Variants in CCDC149 observed in about 807,000 individuals in gnomAD.
CCDC149 encodes coiled-coil domain-containing protein 149.
A neutral mutation model predicts 59.9 loss-of-function variants in CCDC149; 45 were observed. The observed-to-expected ratio is 0.75, with a 90% CI of 0.59 to 0.96. The LOEUF (loss-of-function observed/expected upper bound fraction) is 0.96, where lower values mean the gene tolerates loss of function less well. Among genes scored for constraint, CCDC149 ranks in the 40% least tolerant of loss-of-function variants. The pLI is 0.00. For missense variants in CCDC149, 584 were observed against 664.7 expected, an observed-to-expected ratio of 0.88 and a Z score of 1.33; for synonymous variants, 245 against 260.6, an observed-to-expected ratio of 0.94 and a Z score of 0.58.
intron 3 of CCDC149, among the ~76,000 whole-genome samples, chr4:24,867,424 C>G (rs1225640875): frequency 3.3e-5 from 5 of 152,198 alleles, no homozygotes; most frequent in African/African-American, 4.8e-5. Flanking sequence ...GACATACCTC[C>G]CAGTGTGACC....
chr4:24,958,287 T>C (rs1419131756), intron 1 of CCDC149, among the ~76,000 whole-genome samples: 1 of 152,202 alleles, frequency 6.6e-6, no homozygotes, highest in East Asian at 1.9e-4. Flanking sequence ...AGACTTTCCT[T>C]TGGAAACGGC....
In CCDC149 at chr4:24,837,617, G is replaced by C. The variant is rs1354304865; in HGVS notation, c.490-217C>G. 6.6e-6 allele frequency among the ~76,000 whole-genome samples: 1 copy of C among 152,214 alleles called. No individual in the cohort carries two copies. Among genetic ancestry groups the C allele is most frequent in the Non-Finnish European group, 1.5e-5 (1 of 68,038 alleles). ...ATTCATTATATTTAAGACAGGAGAG[G>C]TGCAGCAGCTTAGAAAACCAGAACT... is the stretch of plus-strand genomic sequence containing the variant. On this transcript the variant is annotated intron_variant, in intron 5 of 12. Transcript: ENST00000635206. This position sits in a 1 kb window ranked among gnomAD's most constrained non-coding sequence, Gnocchi z 4.3.
chr4:24,972,130 G>A (rs544380333), intron 1 of CCDC149, among the ~76,000 whole-genome samples: 1 of 152,208 alleles, frequency 6.6e-6, no homozygotes. Context: ...TGGAGGACTG[G>A]TCACTCATTT....
upstream of CCDC149, among the ~76,000 whole-genome samples, chr4:24,915,300 G>A (rs1239955547): frequency 6.6e-6 from 1 of 152,244 alleles, no homozygotes; most frequent in Non-Finnish European, 1.5e-5. Context: ...TAGACTGTAG[G>A]AAAAGTGGGC....
At chr4:24,866,983 G>A (rs952147106) in intron 3 of CCDC149, among the ~76,000 whole-genome samples, 4 of 151,996 alleles carry the variant, frequency 2.6e-5, no homozygotes, top group African/African-American at 4.8e-5. Flanking sequence ...AAAATGGGCT[G>A]GACTGAATGT....
chr4:24,929,748 C>G (rs908405741), intron 1 of CCDC149, among the ~76,000 whole-genome samples: 1 of 152,144 alleles, frequency 6.6e-6, no homozygotes, highest in Non-Finnish European at 1.5e-5. Context: ...TCCAGCTAGC[C>G]CTGCTTCTGA....
At chr4:24,812,151 A>G (rs1714653919) in intron 12 of CCDC149, among the ~76,000 whole-genome samples, 1 of 152,226 alleles carries the variant, frequency 6.6e-6, no homozygotes, top group Non-Finnish European at 1.5e-5. Flanking sequence ...CAAGATCCAT[A>G]AATCAATCAT....
intron 4 of CCDC149, among the ~76,000 whole-genome samples, chr4:24,850,009 C>A (rs990574675): frequency 1.3e-5 from 2 of 152,228 alleles, no homozygotes; most frequent in African/African-American, 4.8e-5. Flanking sequence ...TGGGGTTAGT[C>A]CCCCCTCTGT....
intron 1 of CCDC149, among the ~76,000 whole-genome samples, chr4:24,978,333 C>T (rs185148244): frequency 1.9e-4 from 29 of 152,076 alleles, no homozygotes; most frequent in African/African-American, 5.3e-4. Flanking sequence ...AATTTCATAT[C>T]GAAAGGATAT....
chr4:24,874,765 C>A (rs1286671480), intron 2 of CCDC149, among the ~76,000 whole-genome samples: 1 of 152,144 alleles, frequency 6.6e-6, no homozygotes, highest in African/African-American at 2.4e-5. Context: ...TACTCCAGGG[C>A]AGTTTAATAA....
At chr4:24,886,954 T>C (rs1746159183) in intron 1 of CCDC149, among the ~76,000 whole-genome samples, 1 of 152,108 alleles carries the variant, frequency 6.6e-6, no homozygotes, top group Non-Finnish European at 1.5e-5. Context: ...ATTTTTATTA[T>C]TCTCTCAAAA....
chr4:24,939,838 T>A (rs1722902545), intron 1 of CCDC149, among the ~76,000 whole-genome samples: 2 of 151,838 alleles, frequency 1.3e-5, no homozygotes, highest in Non-Finnish European at 2.9e-5. Flanking sequence ...GAAGAGAAGT[T>A]TAGAGAAAAA....
intron 3 of CCDC149, among the ~76,000 whole-genome samples, chr4:24,857,285 T>C (rs73804441): frequency 0.037 from 5,589 of 152,222 alleles, 338 homozygotes; most frequent in African/African-American, 0.13. Context: ...CAATCCATAC[T>C]AGATCAATAC....
chr4:24,970,308 A>G (rs1187104455), intron 1 of CCDC149, among the ~76,000 whole-genome samples: 1 of 152,226 alleles, frequency 6.6e-6, no homozygotes, highest in Admixed American at 6.5e-5. Context: ...GCCTCGGCAC[A>G]TACATTCAGC....
intron 1 of CCDC149, among the ~76,000 whole-genome samples, chr4:24,906,105 A>G (rs1721493254): frequency 6.6e-6 from 1 of 152,186 alleles, no homozygotes; most frequent in South Asian, 2.1e-4. Context: ...CACTCACAAG[A>G]AAGAGACACA....
intron 1 of CCDC149, among the ~76,000 whole-genome samples, chr4:24,979,882 G>C (rs1375901863): frequency 6.6e-6 from 1 of 152,118 alleles, no homozygotes; most frequent in Non-Finnish European, 1.5e-5. Flanking sequence ...CCGGTAAACT[G>C]AATCCACCCG....
Position 24,808,494 on chromosome 4 carries a change from G to T in CCDC149, c.1518C>A (p.His506Gln). The T allele has an allele frequency of 4.0e-6, 6 of 1,506,942 alleles. No homozygotes were observed. Among genetic ancestry groups the T allele is most frequent in the Non-Finnish European group, 5.3e-6 (6 of 1,128,052 alleles). The allele number at this position is 1,506,942 out of a possible 1,614,324, so 93.3% of individuals were successfully genotyped here. Reference sequence around the variant, plus strand: ...GCCGGCTGGCCTCGAAGGAGTCCAGGTGAGATTTAGGGAGCTCCCCCTGGA... The same window carrying T: ...GCCGGCTGGCCTCGAAGGAGTCCAGTTGAGATTTAGGGAGCTCCCCCTGGA... Residue 506 changes from histidine (H) to glutamine (Q), a missense_variant, in exon 13 of 13, where the codon CAC becomes CAA. Physicochemically the swap from His to Gln is conservative, Grantham distance 24. Coordinates refer to ENST00000635206, the MANE Select transcript of CCDC149 (RefSeq NM_001330643.2).
intron 1 of CCDC149, among the ~76,000 whole-genome samples, chr4:24,882,381 G>A (rs148118097): frequency 7.2e-5 from 11 of 152,290 alleles, no homozygotes; most frequent in African/African-American, 2.6e-4. Flanking sequence ...TTTTCTGTAA[G>A]CTATAGTTGG....
chr4:24,922,121 T>C (rs1722312790), intron 1 of CCDC149, among the ~76,000 whole-genome samples: 1 of 152,170 alleles, frequency 6.6e-6, no homozygotes, highest in Non-Finnish European at 1.5e-5. Context: ...AGGACACCTG[T>C]CATATTGCAT....
Sources: gnomAD v4.1 joint callset for allele counts (sites outside exome capture counted in the v4.1 genomes callset) on GRCh38, gnomAD v4.1.1 for gene constraint, Gnocchi (gnomAD v3.1) non-coding constraint, MANE v1.5 for transcripts, NCBI Gene and HGNC (gene_info 2026-07-23, HGNC 2026-07-21) for gene names.